The following TYW1B variants were observed in gnomAD, a reference collection of about 807,000 sequenced individuals.
TYW1B encodes tRNA-yW synthesizing protein 1 homolog B.
Under a neutral mutation model 86.9 loss-of-function variants are expected in TYW1B, and 73 were observed. That is an observed-to-expected ratio of 0.84 (90% confidence interval 0.70 to 1.02). The LOEUF (loss-of-function observed/expected upper bound fraction) is 1.02. Among genes scored for constraint, TYW1B ranks in the 50% least tolerant of loss-of-function variants. The probability of loss-of-function intolerance (pLI) is 0.00; values close to 1 mark genes in which losing one functional copy is unlikely to be tolerated. For missense variants in TYW1B, 637 were observed against 827.4 expected, an observed-to-expected ratio of 0.77 and a Z score of 2.82; for synonymous variants, 248 against 292.8, an observed-to-expected ratio of 0.85 and a Z score of 1.56.
At chr7:72,616,259 T>C (rs1415566521) in intron 13 of TYW1B, among the ~76,000 whole-genome samples, 2 of 152,322 alleles carry the variant, frequency 1.3e-5, no homozygotes, top group African/African-American at 2.4e-5. Context: ...ATTCTCCAGA[T>C]GCCAAGATTC....
rs558759881 is a variant in TYW1B, at chr7:72,626,270, C to T, written c.1617+2617G>A. Reference sequence around the variant, plus strand: ...AAAAGCTAAACTCACCAAAAGACAGCTGTAAAACCTCTGATATGACACAGA... The same window carrying T: ...AAAAGCTAAACTCACCAAAAGACAGTTGTAAAACCTCTGATATGACACAGA... On this transcript the variant is annotated intron_variant, in intron 12 of 13. Coordinates refer to ENST00000620995, the MANE Select transcript of TYW1B (RefSeq NM_001145440.3). 1.9e-3 allele frequency among the ~76,000 whole-genome samples: 282 copies of T among 149,798 alleles called. 1 individual carries two copies. The highest frequency in any genetic ancestry group is 6.7e-3 in the African/African-American group (272 of 40,514).
chr7:72,759,632 ATCTC>A (rs1309982000), intron 7 of TYW1B, among the ~76,000 whole-genome samples: 1 of 152,128 alleles, frequency 6.6e-6, no homozygotes, highest in African/African-American at 2.4e-5. Context: ...CTAACTCACT[ATCTC>A]TCTATTTGTT....
At chr7:72,788,103 G>A (rs1454335471) in intron 6 of TYW1B, among the ~76,000 whole-genome samples, 11 of 151,702 alleles carry the variant, frequency 7.3e-5, no homozygotes, top group African/African-American at 1.7e-4. Context: ...TCAGGCTCCC[G>A]AGTAGCTGGG....
chr7:72,754,065 T>A (rs1035316480), intron 7 of TYW1B, among the ~76,000 whole-genome samples: 3 of 152,148 alleles, frequency 2.0e-5, no homozygotes, highest in Non-Finnish European at 4.4e-5. Context: ...TCTTATCACA[T>A]ATAAACAAGC....
intron 11 of TYW1B, among the ~76,000 whole-genome samples, chr7:72,689,235 G>A (rs1554449962): frequency 2.0e-5 from 3 of 152,076 alleles, no homozygotes; most frequent in Non-Finnish European, 2.9e-5. Flanking sequence ...AAACGGAGAC[G>A]AGCTCATCCT....
chr7:72,600,465 A>G lies in TYW1B; in HGVS notation c.1785+16207T>C, dbSNP rs1361639782. Among the ~76,000 whole-genome samples the G allele has an allele frequency of 3.3e-5, 5 of 152,218 alleles. No individual in the cohort carries two copies. In the South Asian group the frequency reaches 6.2e-4, roughly 19 times the overall value. On this transcript the variant is annotated intron_variant, in intron 13 of 13. Coordinates refer to ENST00000620995, the MANE Select transcript of TYW1B (RefSeq NM_001145440.3). ...GTGGCAATGAATTTTTAGATACACC[A>G]TCAAAAGTGGGATCCATGAAAAAAA...
rs1554481838 is a variant in TYW1B, at chr7:72,828,125, A to T, written c.-50T>A. ...AGGATCTCGGACCTGGAGAGCCCAAAGGTTCGCACTGGTACTGCGAGACGC... is the reference window on the plus strand; with the variant it reads ...AGGATCTCGGACCTGGAGAGCCCAATGGTTCGCACTGGTACTGCGAGACGC... On this transcript the variant is annotated 5_prime_UTR_variant, in exon 1 of 14. Coordinates refer to ENST00000620995, the MANE Select transcript of TYW1B (RefSeq NM_001145440.3). 1 of 1,611,872 alleles carries T rather than the reference A, an allele frequency of 6.2e-7. No homozygotes were observed. Among genetic ancestry groups the T allele is most frequent in the Non-Finnish European group, 8.5e-7 (1 of 1,179,176 alleles).
intron 7 of TYW1B, among the ~76,000 whole-genome samples, chr7:72,752,427 A>G (rs1162677689): frequency 1.3e-5 from 2 of 152,140 alleles, no homozygotes; most frequent in East Asian, 3.8e-4. Context: ...TCACAGGCAT[A>G]TACATGTATA....
intron 3 of TYW1B, among the ~76,000 whole-genome samples, chr7:72,813,322 C>G (rs1238348155): frequency 6.6e-6 from 1 of 152,014 alleles, no homozygotes; most frequent in Admixed American, 6.6e-5. Flanking sequence ...ATTACAGGCA[C>G]CCACCACCAA....
chr7:72,694,869 A>C, intron 10 of TYW1B, 47 bp from the exon 11 acceptor site: 1 of 1,576,254 alleles, frequency 6.3e-7, no homozygotes, highest in Non-Finnish European at 8.6e-7. Flanking sequence ...TTATTCCTCT[A>C]TCAGGCTTTC....
chr7:72,671,711 CTTTA>C (rs1206903705), intron 11 of TYW1B, among the ~76,000 whole-genome samples: 14 of 151,862 alleles, frequency 9.2e-5, no homozygotes, highest in African/African-American at 2.2e-4. Context: ...GCTTATAGGT[CTTTA>C]TTTAATGATT....
In TYW1B at chr7:72,777,640, G is replaced by A. The variant is rs781957675; in HGVS notation, c.847-107C>T. 6.1e-5 allele frequency: 84 copies of A among 1,367,344 alleles called. 1 individual carries two copies. In the East Asian group the frequency reaches 1.6e-3, roughly 26 times the overall value. 84.7% of individuals were successfully genotyped at this position (1,367,344 alleles called of 1,614,324 possible). ...ATAAAAAGGTCCATTATGAGGCTGG[G>A]CATAGTGGCTCACGCCTGTAATCCC... On this transcript the variant is annotated intron_variant, in intron 6 of 13. Coordinates refer to ENST00000620995, the MANE Select transcript of TYW1B (RefSeq NM_001145440.3).
chr7:72,581,000 G>A (rs1554429536), intron 13 of TYW1B, among the ~76,000 whole-genome samples: 1 of 107,714 alleles, frequency 9.3e-6, no homozygotes, highest in Admixed American at 1.1e-4. Context: ...GAAACTGGCT[G>A]CACTAGTTCC....
intron 10 of TYW1B, among the ~76,000 whole-genome samples, chr7:72,709,853 C>T (rs1230688891): frequency 2.0e-5 from 3 of 152,174 alleles, no homozygotes; most frequent in Admixed American, 1.3e-4. Flanking sequence ...TCTCCCTCCT[C>T]ATTTCCCAGT....
chr7:72,759,770 T>G (rs564952028), intron 7 of TYW1B, among the ~76,000 whole-genome samples: 7 of 152,340 alleles, frequency 4.6e-5, no homozygotes, highest in Admixed American at 3.3e-4. Flanking sequence ...GCTTTCAAAT[T>G]AATGCCTTTA....
chr7:72,606,764 T>C (rs1421472482), intron 13 of TYW1B, among the ~76,000 whole-genome samples: 1 of 151,770 alleles, frequency 6.6e-6, no homozygotes, highest in East Asian at 1.9e-4. Context: ...CTTCCTACAG[T>C]AGGTCAATAG....
chr7:72,818,882 T>C (rs558703505), intron 2 of TYW1B, among the ~76,000 whole-genome samples: 2 of 152,228 alleles, frequency 1.3e-5, no homozygotes, highest in African/African-American at 4.8e-5. Context: ...AAACCACTCA[T>C]GCGAAATCTG....
chr7:72,774,823 AACAG>A (rs1188511314), intron 7 of TYW1B, among the ~76,000 whole-genome samples: 3 of 152,184 alleles, frequency 2.0e-5, no homozygotes, highest in Non-Finnish European at 4.4e-5. Context: ...GAAGCATGCA[AACAG>A]ACAGGAAAAC....
At position 72,713,708 on chromosome 7, in the gene TYW1B, G is replaced by A. The variant is rs1554455299; in HGVS notation, c.1283C>T (p.Pro428Leu). ...TAGCTTCAAAAACCTGTTGATCTCT[G>A]GGTACATTATTGGTTCTCCCACGAG... ...LSLVGEPIMY[P>L]EINRFLKLLH... Residue 428 changes from proline to leucine, a missense_variant, in exon 10 of 14, where the codon CCA becomes CTA. By Grantham distance (98) the Pro-to-Leu change is moderately conservative (BLOSUM62 -3). Transcript: ENST00000620995. The A allele has an allele frequency of 6.2e-7, 1 of 1,613,752 alleles. No individual in the cohort carries two copies. Among genetic ancestry groups the A allele is most frequent in the East Asian group, 2.2e-5 (1 of 44,858 alleles).
Sources: gnomAD v4.1 joint callset for allele counts (sites outside exome capture counted in the v4.1 genomes callset) on GRCh38, gnomAD v4.1.1 for gene constraint, MANE v1.5 for transcripts, NCBI Gene and HGNC (gene_info 2026-07-23, HGNC 2026-07-21) for gene names.